MCMBP: variants seen among roughly 807,000 people sequenced by gnomAD.
MCMBP encodes the protein mini-chromosome maintenance complex-binding protein.
A neutral mutation model predicts 81.3 loss-of-function variants in MCMBP; 31 were observed. That is an observed-to-expected ratio of 0.38 (90% CI 0.29 to 0.51). The LOEUF is 0.51. Ranked by LOEUF, MCMBP falls within the 20% of genes least tolerant of loss-of-function variation. The pLI is 0.87. For synonymous variants in MCMBP, 267 were observed against 275.9 expected, an observed-to-expected ratio of 0.97 and a Z score of 0.32; for missense variants, 645 against 772.1, an observed-to-expected ratio of 0.84 and a Z score of 1.95.
intron 12 of MCMBP, among the ~76,000 whole-genome samples, chr10:119,838,104 G>A (rs1167564688): frequency 2.0e-5 from 3 of 151,676 alleles, no homozygotes; most frequent in Non-Finnish European, 4.4e-5. Flanking sequence ...CCAACCATTC[G>A]CTGACACAAT....
At chr10:119,846,788 G>A (rs1168828852) in intron 8 of MCMBP, among the ~76,000 whole-genome samples, 1 of 152,064 alleles carries the variant, frequency 6.6e-6, no homozygotes, top group Non-Finnish European at 1.5e-5. Context: ...TCTCTACCAC[G>A]TGAGAAGACA....
upstream of MCMBP, chr10:119,873,479 G>A (rs1853788586): frequency 6.6e-6 from 1 of 152,286 alleles, no homozygotes. Flanking sequence ...CGCCCTGGTT[G>A]CGAACACCGG....
chr10:119,837,001 G>A lies in MCMBP; in HGVS notation c.1437C>T (p.Asn479=). 1.2e-6 allele frequency: 2 copies of A among 1,613,462 alleles called. No individual in the cohort carries two copies. The highest frequency in any genetic ancestry group is 1.7e-6 in the Non-Finnish European group (2 of 1,179,744). ...PGVHNVTALS[N]LITWQKVDYD... is the part of the protein sequence containing the mutation. ...AATCCACCTTCTGCCACGTTATGAG[G>A]TTGCTCAGGGCTGTCACATTATGAA... Residue 479 remains asparagine (N), a synonymous_variant, in exon 13 of 16, where the codon AAC becomes AAT. Transcript: ENST00000369077.
intron 12 of MCMBP, among the ~76,000 whole-genome samples, chr10:119,837,477 C>G (rs538043824): frequency 2.6e-5 from 4 of 152,244 alleles, no homozygotes; most frequent in African/African-American, 9.6e-5. Context: ...GCAGTGTATT[C>G]TTAATTGTCT....
intron 2 of MCMBP, among the ~76,000 whole-genome samples, 183 bp from the exon 3 acceptor site, chr10:119,859,364 G>C (rs898813024): frequency 8.6e-5 from 13 of 151,840 alleles, no homozygotes; most frequent in Non-Finnish European, 1.3e-4. Context: ...TGGAACCCAA[G>C]TTCTCTTCCA....
intron 12 of MCMBP, among the ~76,000 whole-genome samples, chr10:119,837,980 G>C (rs894197127): frequency 6.6e-6 from 1 of 151,822 alleles, no homozygotes; most frequent in African/African-American, 2.4e-5. Flanking sequence ...AAGATCAGCT[G>C]GGCAACATAG....
chr10:119,837,001 G>C lies in MCMBP; in HGVS notation c.1437C>G (p.Asn479Lys), dbSNP rs1188183578. The C allele has an allele frequency of 3.1e-6, 5 of 1,613,346 alleles. No homozygotes were observed. The African/African-American group carries it at 4.0e-5, about 13-fold the overall frequency. Residue 479 changes from asparagine (N) to lysine (K), a missense_variant, in exon 13 of 16, where the codon AAC becomes AAG. Asn to Lys is a moderately conservative substitution (Grantham distance 94). Coordinates refer to ENST00000369077, the MANE Select transcript of MCMBP (RefSeq NM_001256378.2). ...PGVHNVTALS[N>K]LITWQKVDYD... ...AATCCACCTTCTGCCACGTTATGAG[G>C]TTGCTCAGGGCTGTCACATTATGAA...
At chr10:119,842,339 T>A in intron 10 of MCMBP, 133 bp downstream of exon 10, 1 of 955,788 alleles carries the variant, frequency 1.0e-6, no homozygotes, top group Non-Finnish European at 1.5e-6. Flanking sequence ...GTATAACAGT[T>A]AACACTGGAC....
intron 2 of MCMBP, 53 bp from the exon 3 acceptor site, chr10:119,859,234 T>C (rs553487853): frequency 1.3e-6 from 2 of 1,534,968 alleles, no homozygotes; most frequent in Non-Finnish European, 1.8e-6. Context: ...TATACAACAT[T>C]AAGCATATAT....
chr10:119,848,366 C>T (rs1288736091), intron 7 of MCMBP, among the ~76,000 whole-genome samples: 1 of 152,132 alleles, frequency 6.6e-6, no homozygotes, highest in Non-Finnish European at 1.5e-5. Flanking sequence ...AATCCCAGAA[C>T]TTTGGGAGGC....
chr10:119,840,704 T>C (rs746251833), intron 11 of MCMBP, 139 bp downstream of exon 11: 8 of 510,886 alleles, frequency 1.6e-5, no homozygotes, highest in South Asian at 3.6e-5. Context: ...TTTTAAATTA[T>C]GTAATTTGGC....
chr10:119,870,785 T>G lies in MCMBP; in HGVS notation c.58+1742A>C, dbSNP rs1208557000. 2.0e-5 allele frequency among the ~76,000 whole-genome samples: 3 copies of G among 152,308 alleles called. No individual in the cohort carries two copies. In the East Asian group the frequency reaches 5.8e-4, roughly 29 times the overall value. On this transcript the variant is annotated intron_variant, in intron 1 of 15. Transcript: ENST00000369077. ...AGTGATACGAAAATATAGCAACAGC[T>G]TCTACGAACACATTATGACTTTTCT...
chr10:119,841,039 T>G lies in MCMBP; in HGVS notation c.1125-79A>C, dbSNP rs1327891657. 2.4e-5 allele frequency: 20 copies of G among 828,264 alleles called. No individual in the cohort carries two copies. In the South Asian group the frequency reaches 3.0e-4, roughly 12 times the overall value. The allele number at this position is 828,264 out of a possible 1,614,324, so 51.3% of individuals were successfully genotyped here. ...ATCAAATAGCGAAGAATAGAAAAATTAGCTTAATATTGTCATTAAAAATAA... is the reference window on the plus strand; with the variant it reads ...ATCAAATAGCGAAGAATAGAAAAATGAGCTTAATATTGTCATTAAAAATAA... On this transcript the variant is annotated intron_variant, in intron 10 of 15. Transcript: ENST00000369077.
upstream of MCMBP, among the ~76,000 whole-genome samples, chr10:119,873,075 C>T (rs1368800298): frequency 2.6e-5 from 4 of 152,012 alleles, no homozygotes; most frequent in Non-Finnish European, 4.4e-5. Context: ...CGTTTGTACC[C>T]CTGGGCCGGC....
intron 14 of MCMBP, among the ~76,000 whole-genome samples, chr10:119,834,058 GA>G (rs1852149064): frequency 6.6e-6 from 1 of 152,092 alleles, no homozygotes; most frequent in South Asian, 2.1e-4. Context: ...AAAAAAAGAA[GA>G]ATGAGGGAAA....
chr10:119,866,756 T>A lies in MCMBP; in HGVS notation c.58+5771A>T, dbSNP rs545672149. Among the ~76,000 whole-genome samples the A allele has an allele frequency of 1.5e-3, 226 of 151,968 alleles. 1 individual carries two copies. The highest frequency in any genetic ancestry group is 4.0e-3 in the African/African-American group (167 of 41,408). ...GAATTTTATTTCAAAGAAAAAAAAT[T>A]TTTTTGGACCAGCCTGAGCAACATA... On this transcript the variant is annotated intron_variant, in intron 1 of 15. Coordinates refer to ENST00000369077, the MANE Select transcript of MCMBP (RefSeq NM_001256378.2).
At chr10:119,866,108 G>A (rs765176253) in intron 1 of MCMBP, among the ~76,000 whole-genome samples, 1 of 148,764 alleles carries the variant, frequency 6.7e-6, no homozygotes. Flanking sequence ...AAAAAAAAAA[G>A]GAATGCAGTA....
chr10:119,843,969 A>G (rs577174606), intron 8 of MCMBP, among the ~76,000 whole-genome samples: 15 of 152,162 alleles, frequency 9.9e-5, no homozygotes, highest in Non-Finnish European at 2.1e-4. Context: ...GCCAGAAACA[A>G]TAATATTTGT....
chr10:119,834,265 A>G (rs1451998139), intron 14 of MCMBP, among the ~76,000 whole-genome samples: 3 of 151,952 alleles, frequency 2.0e-5, no homozygotes, highest in African/African-American at 7.3e-5. Flanking sequence ...ATGTAGGATA[A>G]ACTCAGAGAT....
Sources: allele counts gnomAD v4.1 joint callset (sites outside exome capture counted in the v4.1 genomes callset), GRCh38; gene constraint gnomAD v4.1.1; transcripts MANE v1.5; gene names NCBI Gene and HGNC (gene_info 2026-07-23, HGNC 2026-07-21).